The following PLXNA4 variants were observed in gnomAD, a reference collection of about 807,000 sequenced individuals.
PLXNA4 encodes plexin-A4.
A neutral mutation model predicts 191.8 loss-of-function variants in PLXNA4; 44 were observed. The observed-to-expected ratio is 0.23, with a 90% CI of 0.18 to 0.29. The LOEUF (loss-of-function observed/expected upper bound fraction) is 0.29, where lower values mean the gene tolerates loss of function less well. Among genes scored for constraint, PLXNA4 ranks in the 10% least tolerant of loss-of-function variants. The probability of loss-of-function intolerance (pLI) is 1.00; values close to 1 mark genes in which losing one functional copy is unlikely to be tolerated. For missense variants in PLXNA4, 1,800 were observed against 2,488.8 expected (o/e 0.72, Z 5.89); for synonymous variants, 1,082 against 1,009.5 (o/e 1.07, Z -1.36).
chr7:132,128,826 CTAAGA>C lies in PLXNA4; in HGVS notation c.*1648_*1652del. 6.6e-6 allele frequency: 1 copy of C among 152,324 alleles called. No homozygotes were observed. The highest frequency in any genetic ancestry group is 1.9e-4 in the East Asian group (1 of 5,182). 9.4% of individuals were successfully genotyped at this position (152,324 alleles called of 1,614,324 possible). A position where few individuals can be genotyped will look rare whatever the true frequency, so the allele number is the denominator to read the frequency against. The stretch of plus-strand genomic sequence containing the variant: ...TGTGAATCCTTCTCCTCAACCTCAC[CTAAGA>C]TGTTTCTCCTTGTCTCCCATAGTGG... On this transcript the variant is annotated 3_prime_UTR_variant, in exon 32 of 32. Coordinates refer to ENST00000321063, the MANE Select transcript of PLXNA4 (RefSeq NM_020911.2).
At chr7:132,452,558 C>A (rs1056826878) in intron 3 of PLXNA4, among the ~76,000 whole-genome samples, 6 of 152,242 alleles carry the variant, frequency 3.9e-5, no homozygotes, top group African/African-American at 1.4e-4. Context: ...AGTGAGCCCT[C>A]ACACACTGCA....
chr7:132,335,358 C>A (rs1370698419), intron 3 of PLXNA4, among the ~76,000 whole-genome samples: 1 of 152,202 alleles, frequency 6.6e-6, no homozygotes. Flanking sequence ...CTGCTAAAAT[C>A]TATTCTATAA....
intron 4 of PLXNA4, among the ~76,000 whole-genome samples, chr7:132,279,809 C>T (rs1156606059): frequency 6.6e-6 from 1 of 152,154 alleles, no homozygotes; most frequent in Non-Finnish European, 1.5e-5. Flanking sequence ...ATAGAGAAAT[C>T]ACTTTAAAAC....
rs144550883 is a variant in PLXNA4, at chr7:132,436,909, G to T, written c.1371+52383C>A. On this transcript the variant is annotated intron_variant, in intron 3 of 31. Coordinates refer to ENST00000321063, the MANE Select transcript of PLXNA4 (RefSeq NM_020911.2). ...GCTGCTTCAGGGCTCCAGGACACTT[G>T]TACTATTGGCCAGCTCAGATGCCAC... Among the ~76,000 whole-genome samples, 4 of 152,250 alleles carry T rather than the reference G, an allele frequency of 2.6e-5. No homozygotes were observed. In the East Asian group the frequency reaches 7.7e-4, roughly 29 times the overall value.
intron 28 of PLXNA4, 38 bp downstream of exon 28, chr7:132,146,472 C>T (rs371014741): frequency 1.2e-6 from 2 of 1,614,098 alleles, no homozygotes; most frequent in Non-Finnish European, 1.7e-6. Flanking sequence ...CTCTCCATAG[C>T]CTCTGGGCTC....
At chr7:132,364,370 C>A (rs1486269605) in intron 3 of PLXNA4, among the ~76,000 whole-genome samples, 1 of 152,180 alleles carries the variant, frequency 6.6e-6, no homozygotes, top group East Asian at 1.9e-4. Context: ...TGGCAGCTGG[C>A]GAGATCAGAG....
intron 2 of PLXNA4, among the ~76,000 whole-genome samples, chr7:132,632,027 G>T (rs1280683212): frequency 1.3e-5 from 2 of 152,236 alleles, no homozygotes; most frequent in South Asian, 2.1e-4. Flanking sequence ...CTGAGGTCAG[G>T]AGTTCAAGGC....
At chr7:132,639,189 T>A (rs1395188200) in intron 2 of PLXNA4, among the ~76,000 whole-genome samples, 1 of 152,192 alleles carries the variant, frequency 6.6e-6, no homozygotes, top group East Asian at 1.9e-4. Context: ...TGCTGATCCA[T>A]CCTCCATATC....
chr7:132,398,779 G>A (rs1031597042), intron 3 of PLXNA4, among the ~76,000 whole-genome samples: 1 of 152,196 alleles, frequency 6.6e-6, no homozygotes, highest in Non-Finnish European at 1.5e-5. Context: ...GAGCACAGTG[G>A]CCCAGCCCTC....
intron 2 of PLXNA4, among the ~76,000 whole-genome samples, chr7:132,632,223 T>G: frequency 9.1e-6 from 1 of 109,614 alleles, no homozygotes; most frequent in Non-Finnish European, 1.7e-5. Context: ...GCAACAGAGC[T>G]AGACTCCATC....
chr7:132,145,770 G>T (rs1795408607), intron 28 of PLXNA4, among the ~76,000 whole-genome samples: 2 of 151,926 alleles, frequency 1.3e-5, no homozygotes, highest in Non-Finnish European at 2.9e-5. Context: ...CCAGAACCAG[G>T]ATTAGAAATG....
intron 2 of PLXNA4, among the ~76,000 whole-genome samples, chr7:132,585,880 GT>G (rs2116818992): frequency 6.6e-6 from 1 of 152,314 alleles, no homozygotes; most frequent in African/African-American, 2.4e-5. Context: ...AACTTGGGGG[GT>G]TAGTGCTTCA....
intron 9 of PLXNA4, among the ~76,000 whole-genome samples, chr7:132,217,962 G>C (rs531192584): frequency 7.9e-6 from 1 of 127,018 alleles, no homozygotes; most frequent in Non-Finnish European, 1.6e-5. Context: ...GGGGTGGTTT[G>C]GTTCCCTTGG....
chr7:132,420,785 C>G (rs984589581), intron 3 of PLXNA4, among the ~76,000 whole-genome samples: 3 of 152,100 alleles, frequency 2.0e-5, no homozygotes, highest in African/African-American at 7.2e-5. Flanking sequence ...CTGCTGTTCT[C>G]GTGACAGTGA....
rs542798897 is a variant in PLXNA4 at position 132,144,981 on chromosome 7, G to A, written c.5225+138C>T. On this transcript the variant is annotated intron_variant, in intron 29 of 31. Transcript: ENST00000321063. ...GAGTGGATGGGGAGGACCAGAGAAT[G>A]TGCCTGCTCAGAGTCCCTGCTGATG... is the stretch of plus-strand genomic sequence containing the variant. The A allele has an allele frequency of 4.0e-6, 5 of 1,249,212 alleles. No individual in the cohort carries two copies. In the South Asian group the frequency reaches 6.6e-5, roughly 16 times the overall value. The allele number at this position is 1,249,212 out of a possible 1,614,324, so 77.4% of individuals were successfully genotyped here.
At position 132,390,665 on chromosome 7, in the gene PLXNA4, A is replaced by G. The variant is rs1019269189; in HGVS notation, c.1372-92443T>C. On this transcript the variant is annotated intron_variant, in intron 3 of 31. Coordinates refer to ENST00000321063, the MANE Select transcript of PLXNA4 (RefSeq NM_020911.2). ...CAAAGCAAGCCCCAGGATGTGCCAC[A>G]TCATGGCCCCCGCTTCTTCTCTGCC... Among the ~76,000 whole-genome samples, 7 of 152,118 alleles carry G rather than the reference A, an allele frequency of 4.6e-5. No individual in the cohort carries two copies. In the East Asian group the frequency reaches 9.6e-4, roughly 21 times the overall value.
chr7:132,463,120 G>A (rs1796577521), intron 3 of PLXNA4, among the ~76,000 whole-genome samples: 3 of 152,046 alleles, frequency 2.0e-5, no homozygotes, highest in Admixed American at 2.0e-4. Flanking sequence ...CAAAGTGCTA[G>A]GATTACAGGC....
intron 3 of PLXNA4, chr7:132,384,145 C>T (rs536020966): frequency 1.6e-5 from 16 of 985,404 alleles, no homozygotes; most frequent in Admixed American, 6.1e-5. Context: ...TCATTCCCTC[C>T]CACAGGCCAG....
At position 132,255,838 on chromosome 7, in the gene PLXNA4, G is replaced by C. The variant is rs567337094; in HGVS notation, c.1504-14672C>G. On this transcript the variant is annotated intron_variant, in intron 4 of 31. Coordinates refer to ENST00000321063, the MANE Select transcript of PLXNA4 (RefSeq NM_020911.2). ...TTTTGCTCTGCTCTTGAATTGCATA[G>C]GAAGGAAAAGAGGAAAACCCCAGCA... 5.3e-5 allele frequency among the ~76,000 whole-genome samples: 8 copies of C among 152,308 alleles called. No individual in the cohort carries two copies. In the East Asian group the frequency reaches 1.2e-3, roughly 22 times the overall value.
Sources: gnomAD v4.1 joint callset for allele counts (sites outside exome capture counted in the v4.1 genomes callset) on GRCh38, gnomAD v4.1.1 for gene constraint, MANE v1.5 for transcripts, NCBI Gene and HGNC (gene_info 2026-07-23, HGNC 2026-07-21) for gene names.